LOC128092252: variants seen among roughly 807,000 people sequenced by gnomAD.
the LOC128092252 span, among the ~76,000 whole-genome samples, chr15:50,680,889 A>C: frequency 6.6e-6 from 1 of 152,166 alleles, no homozygotes; most frequent in African/African-American, 2.4e-5. Flanking sequence ...GTGATTTTTG[A>C]TTCTCTGCTC....
the LOC128092252 span, among the ~76,000 whole-genome samples, chr15:50,651,763 G>A: frequency 4.6e-5 from 7 of 151,888 alleles, no homozygotes; most frequent in South Asian, 4.1e-4. Flanking sequence ...CGTGGCAGTC[G>A]CCTGTAATCC....
At chr15:50,668,265 A>G in the LOC128092252 span, among the ~76,000 whole-genome samples, 1 of 152,238 alleles carries the variant, frequency 6.6e-6, no homozygotes, top group African/African-American at 2.4e-5. Context: ...ACGTGTATCA[A>G]ACAGGAGTTA....
At chr15:50,674,779 A>G in the LOC128092252 span, among the ~76,000 whole-genome samples, 1 of 152,100 alleles carries the variant, frequency 6.6e-6, no homozygotes, top group South Asian at 2.1e-4. Context: ...TCTAAAGGAG[A>G]GCTGTGCCAG....
the LOC128092252 span, among the ~76,000 whole-genome samples, chr15:50,664,628 A>G: frequency 1.3e-5 from 2 of 152,206 alleles, no homozygotes; most frequent in African/African-American, 2.4e-5. Context: ...GGCTCACAGA[A>G]GATTAACACA....
the LOC128092252 span, chr15:50,686,454 A>T: frequency 6.2e-7 from 1 of 1,612,318 alleles, no homozygotes; most frequent in African/African-American, 1.3e-5. Flanking sequence ...CTCCCCACAC[A>T]CTTGCCTGCC....
the LOC128092252 span, among the ~76,000 whole-genome samples, chr15:50,674,092 G>A: frequency 6.6e-6 from 1 of 152,140 alleles, no homozygotes; most frequent in Non-Finnish European, 1.5e-5. Context: ...AGGTTCAAGC[G>A]ATTCTCCTGT....
chr15:50,671,921 T>C, the LOC128092252 span, among the ~76,000 whole-genome samples: 14 of 152,330 alleles, frequency 9.2e-5, no homozygotes, highest in East Asian at 9.6e-4. Context: ...GCCAGTTACA[T>C]AGAAGTATGG....
the LOC128092252 span, chr15:50,649,004 T>C: frequency 1.5e-6 from 1 of 653,806 alleles, no homozygotes; most frequent in Non-Finnish European, 2.3e-6. Context: ...TTTATATAAG[T>C]ATAAAAATAA....
the LOC128092252 span, among the ~76,000 whole-genome samples, chr15:50,678,506 TAAA>T: frequency 3.7e-4 from 48 of 128,734 alleles, no homozygotes; most frequent in African/African-American, 5.1e-4. Context: ...TTCCATTCTT[TAAA>T]AAAAAAAAAT....
the LOC128092252 span, among the ~76,000 whole-genome samples, chr15:50,649,072 A>G: frequency 2.0e-5 from 3 of 152,316 alleles, no homozygotes; most frequent in East Asian, 1.9e-4. Flanking sequence ...CTGAAATAGT[A>G]TAATTAGTCT....
chr15:50,686,568 C>T, the LOC128092252 span: 58 of 1,608,478 alleles, frequency 3.6e-5, 2 homozygotes, highest in South Asian at 6.2e-4. Context: ...AGGGCAGCAA[C>T]TCCACCTCCT....
chr15:50,656,762 T>C, the LOC128092252 span, among the ~76,000 whole-genome samples: 3 of 152,154 alleles, frequency 2.0e-5, no homozygotes, highest in African/African-American at 4.8e-5. Context: ...CTTCCTCTTA[T>C]ACTTCCTCAT....
the LOC128092252 span, among the ~76,000 whole-genome samples, chr15:50,676,128 C>T: frequency 6.6e-6 from 1 of 152,154 alleles, no homozygotes; most frequent in African/African-American, 2.4e-5. Flanking sequence ...TAAATTCTTA[C>T]ACCAGTCTAC....
At chr15:50,681,408 T>G in the LOC128092252 span, among the ~76,000 whole-genome samples, 13 of 152,216 alleles carry the variant, frequency 8.5e-5, no homozygotes, top group African/African-American at 3.1e-4. Flanking sequence ...GTACTGGGTA[T>G]GATAAATTAG....
chr15:50,667,920 G>A, the LOC128092252 span, among the ~76,000 whole-genome samples: 2 of 152,022 alleles, frequency 1.3e-5, no homozygotes, highest in African/African-American at 4.8e-5. Context: ...ATATGTTATT[G>A]GTATGTGTTC....
At chr15:50,656,442 T>G in the LOC128092252 span, among the ~76,000 whole-genome samples, 2 of 151,902 alleles carry the variant, frequency 1.3e-5, no homozygotes, top group Non-Finnish European at 2.9e-5. Context: ...TTCAGCCTCT[T>G]AAGTAGCTGG....
chr15:50,653,755 G>A, the LOC128092252 span, among the ~76,000 whole-genome samples: 1 of 151,346 alleles, frequency 6.6e-6, no homozygotes, highest in Non-Finnish European at 1.5e-5. Flanking sequence ...ATAAAGACAA[G>A]AAGGAAAAAA....
the LOC128092252 span, among the ~76,000 whole-genome samples, chr15:50,678,784 C>T: frequency 6.6e-6 from 1 of 152,224 alleles, no homozygotes; most frequent in Non-Finnish European, 1.5e-5. Context: ...AACCCCAACA[C>T]TTTGGGAGGC....
chr15:50,675,578 A>G, the LOC128092252 span, among the ~76,000 whole-genome samples: 1 of 152,186 alleles, frequency 6.6e-6, no homozygotes. Flanking sequence ...TAATGATAAA[A>G]AAAAGTTTTT....
Sources: gnomAD v4.1 joint callset for allele counts (sites outside exome capture counted in the v4.1 genomes callset) on GRCh38, gnomAD v4.1.1 for gene constraint, MANE v1.5 for transcripts.